DKK2: variants seen among roughly 807,000 people sequenced by gnomAD.
DKK2 encodes the protein dickkopf Wnt signaling pathway inhibitor 2.
In DKK2, 11 loss-of-function variants were observed where a neutral mutation model predicts 28.1. The ratio of observed to expected loss-of-function variants is 0.39; its 90% CI spans 0.25 to 0.65. The LOEUF (loss-of-function observed/expected upper bound fraction) is 0.65. DKK2 is among the 30% of genes least tolerant of loss of function. The pLI is 0.47. For synonymous variants in DKK2, 135 were observed against 126.5 expected, an observed-to-expected ratio of 1.07 and a Z score of -0.45; for missense variants, 326 against 335.5, an observed-to-expected ratio of 0.97 and a Z score of 0.22.
chr4:106,949,238 T>A (rs1188687052), intron 1 of DKK2, among the ~76,000 whole-genome samples: 1 of 152,156 alleles, frequency 6.6e-6, no homozygotes, highest in African/African-American at 2.4e-5. Context: ...ATCTTCTTTC[T>A]TCCTTTGATG....
intron 1 of DKK2, among the ~76,000 whole-genome samples, chr4:106,933,201 G>A (rs1409661015): frequency 6.6e-6 from 1 of 152,142 alleles, no homozygotes; most frequent in African/African-American, 2.4e-5. Context: ...CGGCTATATA[G>A]AACTGTTGCA....
chr4:106,942,967 A>G (rs1560576764), intron 1 of DKK2, among the ~76,000 whole-genome samples: 1 of 152,142 alleles, frequency 6.6e-6, no homozygotes, highest in Non-Finnish European at 1.5e-5. Context: ...CTTGTATTAT[A>G]CACTCCAGCT....
chr4:106,931,659 G>C (rs1434524071), intron 1 of DKK2, among the ~76,000 whole-genome samples: 1 of 152,042 alleles, frequency 6.6e-6, no homozygotes, highest in Non-Finnish European at 1.5e-5. Context: ...AAAGCATACT[G>C]ATCCTGAAAT....
intron 1 of DKK2, among the ~76,000 whole-genome samples, chr4:107,032,466 C>T (rs77415323): frequency 0.066 from 10,040 of 152,068 alleles, 507 homozygotes; most frequent in East Asian, 0.24. Context: ...TTCAATAAAA[C>T]TATAGAGCTC....
chr4:106,939,756 C>G lies in DKK2; in HGVS notation c.223-13807G>C, dbSNP rs986313617. On this transcript the variant is annotated intron_variant, in intron 1 of 3. Coordinates refer to ENST00000285311, the MANE Select transcript of DKK2 (RefSeq NM_014421.3). ...AAACAGCATGGTACTGATACCAAAACAGAGATATAGATCAATGGAACAGAA... is the reference window on the plus strand; with the variant it reads ...AAACAGCATGGTACTGATACCAAAAGAGAGATATAGATCAATGGAACAGAA... Among the ~76,000 whole-genome samples, 194 of 152,274 alleles carry G rather than the reference C, an allele frequency of 1.3e-3. 1 individual carries two copies. The highest frequency in any genetic ancestry group is 8.3e-3 in the East Asian group (43 of 5,188).
Position 106,924,552 on chromosome 4 carries a change from A to G in DKK2, c.522T>C (p.His174=), listed in dbSNP as rs1724398258. 10 of 1,613,398 alleles carry G rather than the reference A, an allele frequency of 6.2e-6. No individual in the cohort carries two copies. The highest frequency in any genetic ancestry group is 8.5e-6 in the Non-Finnish European group (10 of 1,179,572). ...AACTACAGATATCCCTACCTTTTAT[A>G]TGTGACATCTTAGTGTGTGGTCTTC... The part of the protein sequence containing the change: ...NLGRPHTKMS[H]IKGHEGDPCL... Residue 174 remains histidine (H), a synonymous_variant, in exon 3 of 4, where the codon CAT becomes CAC. Coordinates refer to ENST00000285311, the MANE Select transcript of DKK2 (RefSeq NM_014421.3).
chr4:107,030,093 A>C (rs1723853527), intron 1 of DKK2, among the ~76,000 whole-genome samples: 1 of 152,054 alleles, frequency 6.6e-6, no homozygotes, highest in Non-Finnish European at 1.5e-5. Context: ...TACATAAACT[A>C]ATTACTTCTA....
chr4:106,927,807 T>C (rs1398284405), intron 1 of DKK2, among the ~76,000 whole-genome samples: 1 of 152,230 alleles, frequency 6.6e-6, no homozygotes, highest in Non-Finnish European at 1.5e-5. Context: ...ATTTATTTCA[T>C]CAAATTGTTT....
chr4:106,927,599 C>T lies in DKK2; in HGVS notation c.223-1650G>A, dbSNP rs912446320. ...ATTTCATTGTTCCACTCTGTAACTC[C>T]ACCATTAGGCTTAAGAGAATCTTAG... On this transcript the variant is annotated intron_variant, in intron 1 of 3. Coordinates refer to ENST00000285311, the MANE Select transcript of DKK2 (RefSeq NM_014421.3). 3.3e-5 allele frequency among the ~76,000 whole-genome samples: 5 copies of T among 152,208 alleles called. No homozygotes were observed. The Middle Eastern group carries it at 0.017, about 518-fold the overall frequency.
At chr4:106,990,440 G>A (rs1421447799) in intron 1 of DKK2, among the ~76,000 whole-genome samples, 1 of 152,106 alleles carries the variant, frequency 6.6e-6, no homozygotes, top group Non-Finnish European at 1.5e-5. Flanking sequence ...TGAATTCCTT[G>A]GATTGAGATA....
chr4:106,970,014 A>G (rs1030128780), intron 1 of DKK2, among the ~76,000 whole-genome samples: 6 of 152,094 alleles, frequency 3.9e-5, no homozygotes, highest in Non-Finnish European at 5.9e-5. Context: ...CACTGTCATT[A>G]TTTTTAACAC....
At chr4:107,003,064 C>T (rs901373397) in intron 1 of DKK2, among the ~76,000 whole-genome samples, 4 of 152,154 alleles carry the variant, frequency 2.6e-5, no homozygotes, top group African/African-American at 9.7e-5. Context: ...TCTACTGGAA[C>T]CTTGTTCCTC....
chr4:106,966,585 T>G lies in DKK2; in HGVS notation c.223-40636A>C, dbSNP rs958896724. ...CAGCATGTTATAAGCCCCTGGGTTCTCTTTTCTTTAAACAATAGGCATCTT... is the reference window on the plus strand; with the variant it reads ...CAGCATGTTATAAGCCCCTGGGTTCGCTTTTCTTTAAACAATAGGCATCTT... On this transcript the variant is annotated intron_variant, in intron 1 of 3. Transcript: ENST00000285311. 5.9e-5 allele frequency among the ~76,000 whole-genome samples: 9 copies of G among 152,330 alleles called. 1 individual carries two copies. Among genetic ancestry groups the G allele is most frequent in the Admixed American group, 5.9e-4 (9 of 15,286 alleles).
intron 1 of DKK2, among the ~76,000 whole-genome samples, chr4:106,938,936 A>G (rs1027978370): frequency 3.0e-4 from 45 of 151,676 alleles, no homozygotes; most frequent in Admixed American, 3.3e-4. Context: ...AACTCTCAAT[A>G]AATTAGGTAT....
chr4:107,020,777 G>T (rs1172770943), intron 1 of DKK2, among the ~76,000 whole-genome samples: 1 of 151,988 alleles, frequency 6.6e-6, no homozygotes, highest in East Asian at 1.9e-4. Context: ...GTGTGTGTGT[G>T]TGTCTCTGTG....
chr4:107,000,421 T>A (rs1440342446), intron 1 of DKK2, among the ~76,000 whole-genome samples: 2 of 152,216 alleles, frequency 1.3e-5, no homozygotes, highest in East Asian at 3.8e-4. Flanking sequence ...ATCAGTTTTG[T>A]AACTCTAGAC....
chr4:106,957,165 C>G (rs1218980391), intron 1 of DKK2, among the ~76,000 whole-genome samples: 1 of 152,154 alleles, frequency 6.6e-6, no homozygotes, highest in African/African-American at 2.4e-5. Context: ...CTCATCATCA[C>G]TGGCCATCAG....
intron 3 of DKK2, 105 bp downstream of exon 3, chr4:106,924,440 A>C (rs558531820): frequency 2.1e-6 from 3 of 1,416,316 alleles, no homozygotes; most frequent in East Asian, 5.0e-5. Flanking sequence ...GCTAGGATTA[A>C]AGAAACTTCC....
At chr4:107,025,543 C>T (rs139097624) in intron 1 of DKK2, among the ~76,000 whole-genome samples, 3 of 152,232 alleles carry the variant, frequency 2.0e-5, no homozygotes, top group African/African-American at 4.8e-5. Context: ...AGCCACTGGC[C>T]TCTATCCTAG....
Sources: allele counts gnomAD v4.1 joint callset (sites outside exome capture counted in the v4.1 genomes callset), GRCh38; gene constraint gnomAD v4.1.1; transcripts MANE v1.5; gene names NCBI Gene and HGNC (gene_info 2026-07-23, HGNC 2026-07-21).